CDK14: variants seen among roughly 807,000 people sequenced by gnomAD.
CDK14 encodes cyclin dependent kinase 14, also known as cyclin-dependent kinase 14.
Under a neutral mutation model 60.7 loss-of-function variants are expected in CDK14, and 34 were observed. That is an observed-to-expected ratio of 0.56 (90% CI 0.43 to 0.75). The LOEUF (loss-of-function observed/expected upper bound fraction) is 0.75, where lower values mean the gene tolerates loss of function less well. Among genes scored for constraint, CDK14 ranks in the 30% least tolerant of loss-of-function variants. The pLI, the probability that CDK14 is intolerant of heterozygous loss-of-function variation, is 0.00. For synonymous variants in CDK14, 197 were observed against 203.7 expected (o/e 0.97, Z 0.28); for missense variants, 482 against 564.1 (o/e 0.85, Z 1.47).
At chr7:91,115,118 T>G (rs1392059787) in intron 13 of CDK14, among the ~76,000 whole-genome samples, 1 of 152,118 alleles carries the variant, frequency 6.6e-6, no homozygotes, top group African/African-American at 2.4e-5. Context: ...TGGAAGGAGA[T>G]CCACCTGGAA....
At chr7:90,997,524 C>G (rs1795719132) in intron 10 of CDK14, among the ~76,000 whole-genome samples, 1 of 151,990 alleles carries the variant, frequency 6.6e-6, no homozygotes, top group Non-Finnish European at 1.5e-5. Flanking sequence ...CTAATAATAC[C>G]TAAATCATTA....
intron 4 of CDK14, among the ~76,000 whole-genome samples, chr7:90,775,835 G>A (rs896740339): frequency 7.1e-6 from 1 of 141,736 alleles, no homozygotes; most frequent in African/African-American, 2.6e-5. Flanking sequence ...TTGTTATTTG[G>A]TGTTTGTTTG....
chr7:90,600,001 A>C (rs1771008389), intron 1 of CDK14, among the ~76,000 whole-genome samples: 1 of 152,196 alleles, frequency 6.6e-6, no homozygotes, highest in African/African-American at 2.4e-5. Flanking sequence ...GCCCACCCCA[A>C]ATACAGCTGA....
Position 90,668,696 on chromosome 7 carries a change from A to ATTATTTTTTTTTTTTTTTTTTTTTTTTT in CDK14, c.124-57869_124-57868insATTTTTTTTTTTTTTTTTTTTTTTTTTT, listed in dbSNP as rs1554431005. 2.2e-4 allele frequency among the ~76,000 whole-genome samples: 15 copies of ATTATTTTTTTTTTTTTTTTTTTTTTTTT among 68,434 alleles called. 2 individuals are homozygous for ATTATTTTTTTTTTTTTTTTTTTTTTTTT. The highest frequency in any genetic ancestry group is 2.4e-4 in the Non-Finnish European group (9 of 36,802). 44.9% of individuals were successfully genotyped at this position (68,434 alleles called of 152,430 possible). ...TTATATGGTGTAAGGAAGGACTCGC[A>ATTATTTTTTTTTTTTTTTTTTTTTTTTT]TTCTTTTTTTTTTTTTTTTTTTTTT... On this transcript the variant is annotated intron_variant, in intron 2 of 14. Coordinates refer to ENST00000380050, the MANE Select transcript of CDK14 (RefSeq NM_001287135.2).
chr7:91,171,304 C>T (rs1417325268), intron 14 of CDK14, among the ~76,000 whole-genome samples: 2 of 151,882 alleles, frequency 1.3e-5, no homozygotes, highest in South Asian at 2.1e-4. Flanking sequence ...GAGCCGAGAT[C>T]GCGCCACTGC....
intron 6 of CDK14, among the ~76,000 whole-genome samples, chr7:90,882,999 T>C (rs1045519394): frequency 6.6e-6 from 1 of 151,982 alleles, no homozygotes; most frequent in Admixed American, 6.6e-5. Flanking sequence ...TAGAAAAATT[T>C]CAAATTGACA....
intron 2 of CDK14, among the ~76,000 whole-genome samples, chr7:90,663,903 A>G (rs1393153018): frequency 6.6e-6 from 1 of 152,144 alleles, no homozygotes; most frequent in African/African-American, 2.4e-5. Context: ...AACTTTCCAA[A>G]TTGTTGTTTT....
At chr7:90,683,897 CGTGTGTGTGTGTGTGT>C (rs35197919) in intron 2 of CDK14, among the ~76,000 whole-genome samples, 96 of 145,764 alleles carry the variant, frequency 6.6e-4, no homozygotes, top group African/African-American at 2.1e-3. Flanking sequence ...AGAAAATGTA[CGTGTGTGTGTGTGTGT>C]GTGTGTGTGT....
At chr7:91,157,938 A>G (rs976485341) in intron 14 of CDK14, among the ~76,000 whole-genome samples, 6 of 151,822 alleles carry the variant, frequency 4.0e-5, no homozygotes, top group African/African-American at 1.5e-4. Context: ...TGGCCACAGG[A>G]GCTTCTGGTC....
At chr7:91,140,148 T>C (rs1361938628) in intron 14 of CDK14, among the ~76,000 whole-genome samples, 2 of 152,208 alleles carry the variant, frequency 1.3e-5, no homozygotes, top group Non-Finnish European at 2.9e-5. Context: ...CCTCCTCACA[T>C]GCTCAAATAA....
intron 11 of CDK14, among the ~76,000 whole-genome samples, chr7:91,067,446 G>A (rs1318945561): frequency 6.6e-6 from 1 of 152,186 alleles, no homozygotes; most frequent in Non-Finnish European, 1.5e-5. Flanking sequence ...GTCTTCATTT[G>A]GAAAAGAAAC....
intron 2 of CDK14, among the ~76,000 whole-genome samples, chr7:90,693,594 G>T (rs1028972057): frequency 6.6e-6 from 1 of 152,136 alleles, no homozygotes; most frequent in African/African-American, 2.4e-5. Flanking sequence ...GAACTAATTT[G>T]TACTACCGAG....
chr7:90,902,533 T>G (rs1028723642), intron 7 of CDK14, among the ~76,000 whole-genome samples: 3 of 152,112 alleles, frequency 2.0e-5, no homozygotes, highest in Non-Finnish European at 4.4e-5. Flanking sequence ...TAACTGGTGC[T>G]GGAAAAACTG....
chr7:90,807,038 G>C (rs1788874149), intron 5 of CDK14, among the ~76,000 whole-genome samples: 1 of 152,188 alleles, frequency 6.6e-6, no homozygotes, highest in South Asian at 2.1e-4. Flanking sequence ...TCCACCTCTG[G>C]GGGCAGGGCA....
chr7:90,911,513 G>A (rs113889035), intron 7 of CDK14, among the ~76,000 whole-genome samples: 33 of 152,102 alleles, frequency 2.2e-4, no homozygotes, highest in Non-Finnish European at 4.0e-4. Context: ...GAGAGACCCC[G>A]CACATTCCTT....
chr7:91,121,530 C>G (rs1799782456), intron 14 of CDK14, among the ~76,000 whole-genome samples: 1 of 152,152 alleles, frequency 6.6e-6, no homozygotes, highest in Non-Finnish European at 1.5e-5. Context: ...AAGGTCACTT[C>G]AATTATTTAG....
chr7:90,735,989 G>T lies in CDK14; in HGVS notation c.369+9177G>T, dbSNP rs571194859. ...GCGGGAATCTCCTGGTCTTCCGGTT[G>T]CAAACACTGTGGTAAAAGCACAGTA... On this transcript the variant is annotated intron_variant, in intron 3 of 14. Transcript: ENST00000380050. 3.9e-5 allele frequency among the ~76,000 whole-genome samples: 6 copies of T among 152,328 alleles called. No individual in the cohort carries two copies. The East Asian group carries it at 1.2e-3, about 29-fold the overall frequency.
chr7:90,767,688 A>G (rs752367296), intron 4 of CDK14, among the ~76,000 whole-genome samples: 2 of 152,222 alleles, frequency 1.3e-5, no homozygotes, highest in Non-Finnish European at 2.9e-5. Flanking sequence ...TATGACAAAC[A>G]TAACTCCTGA....
intron 2 of CDK14, chr7:90,631,967 A>G (rs1800007660): frequency 6.6e-6 from 1 of 152,364 alleles, no homozygotes; most frequent in Non-Finnish European, 1.5e-5. Context: ...GCAGAAGAGA[A>G]GACAACTTAG....
Sources: gnomAD v4.1 joint callset for allele counts (sites outside exome capture counted in the v4.1 genomes callset) on GRCh38, gnomAD v4.1.1 for gene constraint, MANE v1.5 for transcripts, NCBI Gene and HGNC (gene_info 2026-07-23, HGNC 2026-07-21) for gene names.